Variants in AGBL3 observed in about 807,000 individuals in gnomAD.
The protein encoded by AGBL3 is cytosolic carboxypeptidase 3.
A neutral mutation model predicts 94.5 loss-of-function variants in AGBL3; 68 were observed. The observed-to-expected ratio is 0.72, with a 90% CI of 0.59 to 0.88. The LOEUF is 0.88. Ranked by LOEUF, AGBL3 falls within the 40% of genes least tolerant of loss-of-function variation. AGBL3 has a pLI of 0.00. For synonymous variants in AGBL3, 354 were observed against 370.7 expected (o/e 0.95, Z 0.52); for missense variants, 934 against 1,103.8 (o/e 0.85, Z 2.18).
At chr7:135,045,645 T>C (rs1472842170) in intron 10 of AGBL3, 71 bp downstream of exon 10, 10 of 1,407,712 alleles carry the variant, frequency 7.1e-6, no homozygotes, top group Non-Finnish European at 8.8e-6. Context: ...TATGGGCCTA[T>C]GCAGTGTTTG....
At chr7:135,017,974 G>A (rs539452038) in intron 5 of AGBL3, among the ~76,000 whole-genome samples, 1 of 152,272 alleles carries the variant, frequency 6.6e-6, no homozygotes, top group African/African-American at 2.4e-5. Flanking sequence ...AATGAGATCT[G>A]ATTTAGAAAA....
intron 5 of AGBL3, among the ~76,000 whole-genome samples, chr7:135,021,293 CTTTT>C (rs1198934867): frequency 2.1e-5 from 3 of 140,918 alleles, no homozygotes; most frequent in Admixed American, 7.1e-5. Context: ...CATCATTTTA[CTTTT>C]TTTTTTTTTT....
chr7:135,091,303 G>A (rs1821820339), intron 15 of AGBL3, among the ~76,000 whole-genome samples: 1 of 152,086 alleles, frequency 6.6e-6, no homozygotes, highest in African/African-American at 2.4e-5. Context: ...TTGCCCCTCA[G>A]TATATGTGGG....
intron 11 of AGBL3, among the ~76,000 whole-genome samples, chr7:135,058,765 T>C (rs889180192): frequency 2.6e-5 from 4 of 152,194 alleles, no homozygotes; most frequent in African/African-American, 4.8e-5. Flanking sequence ...TTCTTCTTTT[T>C]TCCCCCCCAA....
chr7:134,997,858 C>T (rs1811204690), intron 4 of AGBL3, among the ~76,000 whole-genome samples: 1 of 152,188 alleles, frequency 6.6e-6, no homozygotes, highest in Admixed American at 6.5e-5. Context: ...CCTAGGCTCT[C>T]TTTAACAAAG....
intron 13 of AGBL3, among the ~76,000 whole-genome samples, chr7:135,077,829 C>A (rs1320062075): frequency 6.6e-6 from 1 of 152,152 alleles, no homozygotes; most frequent in Non-Finnish European, 1.5e-5. Flanking sequence ...CATCAGGAAG[C>A]GGCTGATCAC....
In AGBL3 at chr7:135,128,390, A is replaced by T. The variant is rs1221088321; in HGVS notation, c.2343-6451A>T. 1.3e-5 allele frequency: 7 copies of T among 552,248 alleles called. 1 individual carries two copies. The highest frequency in any genetic ancestry group is 2.3e-5 in the Non-Finnish European group (7 of 300,962). 34.2% of individuals were successfully genotyped at this position (552,248 alleles called of 1,614,324 possible). On this transcript the variant is annotated intron_variant, in intron 16 of 16. Transcript: ENST00000436302. ...CCCTGGTGGGAGTGTAGCAGTGAGG[A>T]TGATCAGAGATCACTCTCATGGTCA...
chr7:135,022,049 T>G (rs1814552533), intron 5 of AGBL3, among the ~76,000 whole-genome samples: 1 of 152,212 alleles, frequency 6.6e-6, no homozygotes. Flanking sequence ...TACCATATTT[T>G]ATTTATCCAG....
chr7:134,999,728 G>C (rs572634606), intron 4 of AGBL3, among the ~76,000 whole-genome samples: 31 of 152,180 alleles, frequency 2.0e-4, no homozygotes, highest in Non-Finnish European at 3.2e-4. Flanking sequence ...GCCAGCCATT[G>C]GCACACCCAA....
At chr7:135,087,843 A>C (rs1342801550) in intron 15 of AGBL3, among the ~76,000 whole-genome samples, 2 of 152,048 alleles carry the variant, frequency 1.3e-5, no homozygotes, top group African/African-American at 4.8e-5. Context: ...ATTTGTTCTA[A>C]AGTGCAGTTT....
chr7:135,018,647 A>T (rs984274500), intron 5 of AGBL3, among the ~76,000 whole-genome samples: 15 of 152,256 alleles, frequency 9.9e-5, no homozygotes, highest in African/African-American at 3.6e-4. Context: ...CGTGTGAAAG[A>T]TTAATTGTAA....
chr7:135,129,133 C>A, intron 16 of AGBL3: 1 of 1,516,642 alleles, frequency 6.6e-7, no homozygotes, highest in Non-Finnish European at 9.2e-7. Context: ...GAGTTATTTG[C>A]CTATTATGAC....
At chr7:135,031,749 G>A (rs1363570655) in intron 5 of AGBL3, among the ~76,000 whole-genome samples, 1 of 152,076 alleles carries the variant, frequency 6.6e-6, no homozygotes, top group Admixed American at 6.6e-5. Flanking sequence ...CAGCCTTTCT[G>A]GAGTCACAGT....
chr7:135,009,845 A>G (rs73153709), intron 4 of AGBL3, among the ~76,000 whole-genome samples: 18,086 of 152,220 alleles, frequency 0.12, 1,205 homozygotes, highest in East Asian at 0.19. Flanking sequence ...TATGAAGTTC[A>G]GCAGCATCTG....
intron 12 of AGBL3, among the ~76,000 whole-genome samples, chr7:135,073,190 G>A (rs546956528): frequency 5.9e-5 from 9 of 152,192 alleles, no homozygotes; most frequent in African/African-American, 1.7e-4. Context: ...AGTTGTAGCC[G>A]GGCATGGTGG....
intron 4 of AGBL3, among the ~76,000 whole-genome samples, chr7:135,001,213 C>G (rs779378559): frequency 2.0e-5 from 3 of 152,156 alleles, no homozygotes; most frequent in Non-Finnish European, 4.4e-5. Flanking sequence ...TGGCTAAGTC[C>G]TCCCAACCTA....
chr7:135,124,171 T>C (rs1358996356), intron 16 of AGBL3, among the ~76,000 whole-genome samples: 1 of 148,454 alleles, frequency 6.7e-6, no homozygotes, highest in Admixed American at 6.7e-5. Context: ...AAGACACACA[T>C]AGGCTCAAAA....
chr7:135,109,055 A>T (rs923765647), intron 15 of AGBL3, among the ~76,000 whole-genome samples: 1 of 151,964 alleles, frequency 6.6e-6, no homozygotes, highest in South Asian at 2.1e-4. Context: ...GTTCTTTTTT[A>T]TACTGCCTAT....
At chr7:134,993,231 C>A (rs1020473306) in intron 3 of AGBL3, among the ~76,000 whole-genome samples, 1 of 152,098 alleles carries the variant, frequency 6.6e-6, no homozygotes, top group East Asian at 1.9e-4. Context: ...AGAAAAGCTA[C>A]GAGAAACATG....
Sources: allele counts gnomAD v4.1 joint callset (sites outside exome capture counted in the v4.1 genomes callset), GRCh38; gene constraint gnomAD v4.1.1; transcripts MANE v1.5; gene names NCBI Gene and HGNC (gene_info 2026-07-23, HGNC 2026-07-21).